SLC24A2: variants seen among roughly 807,000 people sequenced by gnomAD.
The protein encoded by SLC24A2 is sodium/potassium/calcium exchanger 2.
Under a neutral mutation model 62.0 loss-of-function variants are expected in SLC24A2, and 36 were observed. The ratio of observed to expected loss-of-function variants is 0.58; its 90% CI spans 0.44 to 0.77. The LOEUF is 0.77. Ranked by LOEUF, SLC24A2 falls within the 30% of genes least tolerant of loss-of-function variation. The pLI is 0.00. For synonymous variants in SLC24A2, 358 were observed against 294.0 expected, an observed-to-expected ratio of 1.22 and a Z score of -2.23; for missense variants, 846 against 817.9, an observed-to-expected ratio of 1.03 and a Z score of -0.42.
chr9:20,134,096 A>G, the SLC24A2 span, among the ~76,000 whole-genome samples: 1 of 152,148 alleles, frequency 6.6e-6, no homozygotes, highest in African/African-American at 2.4e-5. Flanking sequence ...AAACTATGAT[A>G]TCGATGAGAG....
rs538023382 is a variant in SLC24A2, at chr9:19,766,779, C to T, written c.930+19158G>A. 1.4e-4 allele frequency among the ~76,000 whole-genome samples: 22 copies of T among 152,302 alleles called. No homozygotes were observed. The South Asian group carries it at 3.7e-3, about 26-fold the overall frequency. ...TCAGAAGGCATGAGGGTCAGCGACC[C>T]ACTTGAGGAGGCAGTCTGTCCCTTA... is the stretch of plus-strand genomic sequence containing the variant. On this transcript the variant is annotated intron_variant, in intron 2 of 10. Transcript: ENST00000341998.
the SLC24A2 span, among the ~76,000 whole-genome samples, chr9:20,088,257 G>A: frequency 1.3e-5 from 2 of 152,366 alleles, no homozygotes; most frequent in African/African-American, 2.4e-5. Flanking sequence ...TAGAACTCTG[G>A]CCAGCCACAG....
rs1356890151 is a variant in SLC24A2 at position 19,515,296 on chromosome 9, C to G, written c.*857G>C. 6.6e-6 allele frequency: 1 copy of G among 152,156 alleles called. No homozygotes were observed. Among genetic ancestry groups the G allele is most frequent in the Non-Finnish European group, 1.5e-5 (1 of 68,044 alleles). 9.4% of individuals were successfully genotyped at this position (152,156 alleles called of 1,614,324 possible). ...TACCTCCCCACTTCCCCAAACCAAG[C>G]CACCCAGCCTGGGTTTTTACCTCTT... On this transcript the variant is annotated 3_prime_UTR_variant, in exon 11 of 11. Transcript: ENST00000341998.
Position 19,517,398 on chromosome 9 carries a change from G to C in SLC24A2, c.1737-996C>G, listed in dbSNP as rs574010949. On this transcript the variant is annotated intron_variant, in intron 10 of 10. Transcript: ENST00000341998. The stretch of plus-strand genomic sequence containing the variant: ...CTAGACTCAGGGTGTGGGAAGAGGA[G>C]GTACTCTTTTGAAACATTACATTCT... Among the ~76,000 whole-genome samples, 8 of 152,282 alleles carry C rather than the reference G, an allele frequency of 5.3e-5. No homozygotes were observed. In the East Asian group the frequency reaches 1.4e-3, roughly 26 times the overall value.
At chr9:20,012,329 C>G in the SLC24A2 span, among the ~76,000 whole-genome samples, 12 of 152,266 alleles carry the variant, frequency 7.9e-5, no homozygotes, top group African/African-American at 2.4e-4. Flanking sequence ...CAGGGAAACT[C>G]CCCTTTTTAA....
the SLC24A2 span, among the ~76,000 whole-genome samples, chr9:20,297,126 C>T: frequency 6.6e-6 from 1 of 152,020 alleles, no homozygotes; most frequent in East Asian, 1.9e-4. Context: ...TGACCTAAAC[C>T]CACCAACAAG....
At chr9:19,710,188 CTGAT>C (rs1820672951) in intron 2 of SLC24A2, among the ~76,000 whole-genome samples, 1 of 152,150 alleles carries the variant, frequency 6.6e-6, no homozygotes, top group Non-Finnish European at 1.5e-5. Context: ...ATTTTTTTGA[CTGAT>C]TAATTCATCA....
the SLC24A2 span, among the ~76,000 whole-genome samples, chr9:20,173,209 C>T: frequency 3.3e-5 from 5 of 152,104 alleles, 1 homozygote; most frequent in East Asian, 9.7e-4. Context: ...CTGTGACAAA[C>T]CCACAACCAA....
the SLC24A2 span, among the ~76,000 whole-genome samples, chr9:19,879,010 A>G: frequency 1.3e-5 from 2 of 152,132 alleles, no homozygotes; most frequent in Non-Finnish European, 2.9e-5. Flanking sequence ...CTTCAAAACC[A>G]TGTACCACCA....
chr9:19,846,586 C>T, the SLC24A2 span, among the ~76,000 whole-genome samples: 23 of 152,302 alleles, frequency 1.5e-4, no homozygotes, highest in Non-Finnish European at 2.8e-4. Context: ...AGACCATTTA[C>T]ATTCAAAGTT....
At chr9:20,198,207 T>C in the SLC24A2 span, among the ~76,000 whole-genome samples, 3 of 152,184 alleles carry the variant, frequency 2.0e-5, no homozygotes, top group Non-Finnish European at 4.4e-5. Context: ...ATGAGTTCAC[T>C]CGGGAAAGGG....
the SLC24A2 span, among the ~76,000 whole-genome samples, chr9:19,887,503 A>T: frequency 6.6e-6 from 1 of 152,202 alleles, no homozygotes; most frequent in African/African-American, 2.4e-5. Flanking sequence ...ACAATGCAAT[A>T]CCACTTTACT....
At chr9:20,054,701 T>C in the SLC24A2 span, among the ~76,000 whole-genome samples, 6 of 152,166 alleles carry the variant, frequency 3.9e-5, no homozygotes, top group African/African-American at 1.4e-4. Context: ...CACCTCCTAA[T>C]AGGGTAAAGC....
At chr9:19,850,975 A>G in the SLC24A2 span, among the ~76,000 whole-genome samples, 2 of 46,760 alleles carry the variant, frequency 4.3e-5, no homozygotes, top group East Asian at 6.9e-4. Context: ...ATGTATATAT[A>G]TATATATATG....
intron 8 of SLC24A2, among the ~76,000 whole-genome samples, chr9:19,543,972 T>G (rs1447185668): frequency 6.6e-6 from 1 of 152,164 alleles, no homozygotes; most frequent in African/African-American, 2.4e-5. Context: ...TGAGTTCAAG[T>G]CCTGGATATC....
chr9:19,582,121 G>A (rs539998998), intron 5 of SLC24A2, among the ~76,000 whole-genome samples: 20 of 152,262 alleles, frequency 1.3e-4, no homozygotes, highest in Admixed American at 5.9e-4. Context: ...TGAGGGGGTG[G>A]TAGGGAAGTG....
the SLC24A2 span, among the ~76,000 whole-genome samples, chr9:20,055,429 G>A: frequency 3.3e-5 from 5 of 152,094 alleles, no homozygotes; most frequent in African/African-American, 1.2e-4. Context: ...TAAATATTAA[G>A]TAAGTATAAT....
rs939581426 is a variant in SLC24A2, at chr9:19,538,318, C to T, written c.1480-10180G>A. ...GGAATGCTTCCAGTTTTTGCCCATT[C>T]GGTATGATACTGGCTGTGGGTTTGT... On this transcript the variant is annotated intron_variant, in intron 8 of 10. Transcript: ENST00000341998. Among the ~76,000 whole-genome samples the T allele has an allele frequency of 1.3e-4, 19 of 146,790 alleles. 1 individual carries two copies. Among genetic ancestry groups the T allele is most frequent in the Middle Eastern group, 3.4e-3 (1 of 294 alleles).
chr9:20,105,857 C>A, the SLC24A2 span, among the ~76,000 whole-genome samples: 2 of 151,990 alleles, frequency 1.3e-5, no homozygotes, highest in Admixed American at 1.3e-4. Context: ...CAGAGCAGAA[C>A]TGAAGGAAAT....
Sources: allele counts gnomAD v4.1 joint callset (sites outside exome capture counted in the v4.1 genomes callset), GRCh38; gene constraint gnomAD v4.1.1; transcripts MANE v1.5; gene names NCBI Gene and HGNC (gene_info 2026-07-23, HGNC 2026-07-21).